CBR4: variants seen among roughly 807,000 people sequenced by gnomAD.
CBR4 encodes 3-oxoacyl-[acyl-carrier-protein] reductase.
A neutral mutation model predicts 21.0 loss-of-function variants in CBR4; 22 were observed. The ratio of observed to expected loss-of-function variants is 1.05; its 90% CI spans 0.75 to 1.50. CBR4 has a LOEUF of 1.50. Ranked by LOEUF, CBR4 falls within the 40% of genes most tolerant of loss-of-function variation. CBR4 has a pLI of 0.00. For synonymous variants in CBR4, 100 were observed against 104.4 expected (o/e 0.96, Z 0.26); for missense variants, 302 against 286.3 (o/e 1.05, Z -0.40).
Position 169,001,888 on chromosome 4 carries a change from T to C in CBR4, c.535+183A>G, listed in dbSNP as rs2126852396. On this transcript the variant is annotated intron_variant, in intron 4 of 4. Transcript: ENST00000306193. The stretch of plus-strand genomic sequence containing the variant: ...AGAGCAATGCAAACAGGCTAACACA[T>C]AGACTTTATATAGAATATGAGGTAC... 6 of 439,468 alleles carry C rather than the reference T, an allele frequency of 1.4e-5. 1 individual carries two copies. The Middle Eastern group carries it at 1.9e-3, about 138-fold the overall frequency. 27.2% of individuals were successfully genotyped at this position (439,468 alleles called of 1,614,324 possible).
chr4:168,940,472 G>A (rs187428788), intron 2 of CBR4, among the ~76,000 whole-genome samples: 1 of 152,156 alleles, frequency 6.6e-6, no homozygotes, highest in Non-Finnish European at 1.5e-5. Flanking sequence ...CTTCTGCACA[G>A]CAAAATAAAC....
intron 4 of CBR4, among the ~76,000 whole-genome samples, chr4:168,991,372 G>A (rs879656646): frequency 3.3e-5 from 5 of 152,190 alleles, no homozygotes; most frequent in Non-Finnish European, 7.3e-5. Context: ...GGTAGGGATA[G>A]AAAAGTAGAA....
chr4:168,957,889 G>A (rs1469637114), intron 2 of CBR4, among the ~76,000 whole-genome samples: 1 of 152,086 alleles, frequency 6.6e-6, no homozygotes, highest in Non-Finnish European at 1.5e-5. Context: ...AGATCTGATG[G>A]TTTTATAAGG....
intron 2 of CBR4, among the ~76,000 whole-genome samples, chr4:168,965,486 C>T (rs1363333789): frequency 6.6e-6 from 1 of 152,174 alleles, no homozygotes; most frequent in Non-Finnish European, 1.5e-5. Flanking sequence ...CATCATACTA[C>T]CTGACTTCAA....
intron 2 of CBR4, among the ~76,000 whole-genome samples, chr4:168,912,352 G>C (rs1759147318): frequency 6.6e-6 from 1 of 152,204 alleles, no homozygotes; most frequent in African/African-American, 2.4e-5. Context: ...TTCCTCTCTT[G>C]CTGTTACCTT....
intron 2 of CBR4, among the ~76,000 whole-genome samples, chr4:168,928,678 C>T (rs1762847917): frequency 6.6e-6 from 1 of 152,120 alleles, no homozygotes; most frequent in Admixed American, 6.5e-5. Context: ...TGTGATAGCT[C>T]TGTGCAATTG....
intron 3 of CBR4, chr4:169,005,442 A>C: frequency 6.4e-6 from 1 of 156,242 alleles, no homozygotes; most frequent in Admixed American, 6.2e-5. Context: ...ATACCAATGA[A>C]GTGTCTGGCA....
At chr4:168,996,193 G>C (rs1765191444) in intron 4 of CBR4, among the ~76,000 whole-genome samples, 1 of 152,208 alleles carries the variant, frequency 6.6e-6, no homozygotes, top group Admixed American at 6.5e-5. Flanking sequence ...GTGGGTGAGA[G>C]AGGCCAAGTT....
chr4:168,942,173 A>C (rs544487232), intron 2 of CBR4, among the ~76,000 whole-genome samples: 17 of 151,886 alleles, frequency 1.1e-4, no homozygotes, highest in African/African-American at 3.9e-4. Flanking sequence ...CACAAATGGG[A>C]GTCGAACAAT....
chr4:168,897,560 C>G (rs765897854), intron 2 of CBR4, among the ~76,000 whole-genome samples: 30 of 152,158 alleles, frequency 2.0e-4, no homozygotes, highest in Non-Finnish European at 4.4e-4. Context: ...GATCCTCCCA[C>G]CTCAGCCTCC....
At chr4:168,914,216 G>C in intron 2 of CBR4, 4 of 596,122 alleles carry the variant, frequency 6.7e-6, no homozygotes, top group Non-Finnish European at 1.2e-5. Flanking sequence ...ACAAACATTC[G>C]CTAATGTGTG....
intron 4 of CBR4, among the ~76,000 whole-genome samples, chr4:168,995,480 G>A (rs1461356386): frequency 1.3e-5 from 2 of 152,094 alleles, no homozygotes; most frequent in African/African-American, 2.4e-5. Context: ...GACACTTTCA[G>A]GGACAATCCC....
intron 2 of CBR4, among the ~76,000 whole-genome samples, chr4:168,896,894 T>C (rs900047172): frequency 2.0e-5 from 3 of 152,104 alleles, no homozygotes; most frequent in Admixed American, 6.5e-5. Flanking sequence ...TGCAATGGTG[T>C]GATCTTGGCT....
chr4:169,008,222 G>A (rs777323295), intron 1 of CBR4, among the ~76,000 whole-genome samples: 88 of 152,054 alleles, frequency 5.8e-4, no homozygotes, highest in Non-Finnish European at 1.1e-3. Flanking sequence ...GATGCACTAT[G>A]GCACATATAT....
intron 2 of CBR4, among the ~76,000 whole-genome samples, chr4:168,947,484 C>T (rs562907077): frequency 6.6e-6 from 1 of 152,208 alleles, no homozygotes; most frequent in East Asian, 1.9e-4. Flanking sequence ...GTGCAGCCAT[C>T]ACCCGAGCAG....
At chr4:168,925,470 C>T (rs1424741284) in intron 2 of CBR4, 3 of 606,878 alleles carry the variant, frequency 4.9e-6, no homozygotes, top group Non-Finnish European at 8.9e-6. Context: ...TTCCTATATT[C>T]TATCGCAGTG....
At chr4:168,919,171 G>A (rs1348233154) in intron 2 of CBR4, among the ~76,000 whole-genome samples, 2 of 152,092 alleles carry the variant, frequency 1.3e-5, no homozygotes, top group African/African-American at 4.8e-5. Flanking sequence ...AAAGAATATT[G>A]GAAACAAAAA....
At chr4:168,926,362 T>G in intron 2 of CBR4, 2 of 1,537,260 alleles carry the variant, frequency 1.3e-6, no homozygotes, top group Non-Finnish European at 8.7e-7. Flanking sequence ...GAATACTGCC[T>G]TGGTAGAAAG....
intron 2 of CBR4, among the ~76,000 whole-genome samples, chr4:168,955,534 T>C (rs1018341994): frequency 2.4e-4 from 37 of 152,238 alleles, no homozygotes; most frequent in African/African-American, 8.9e-4. Flanking sequence ...ACTATAGTTT[T>C]CTCTTTCATT....
Sources: gnomAD v4.1 joint callset for allele counts (sites outside exome capture counted in the v4.1 genomes callset) on GRCh38, gnomAD v4.1.1 for gene constraint, MANE v1.5 for transcripts, NCBI Gene and HGNC (gene_info 2026-07-23, HGNC 2026-07-21) for gene names.